The following HERC4 variants were observed in gnomAD, a reference collection of about 807,000 sequenced individuals.
HERC4 encodes the protein HECT and RLD domain containing E3 ubiquitin protein ligase 4, also known as probable E3 ubiquitin-protein ligase HERC4.
In HERC4, 28 loss-of-function variants were observed where a neutral mutation model predicts 124.3. The observed-to-expected ratio is 0.23, with a 90% confidence interval of 0.17 to 0.31. HERC4 has a LOEUF of 0.31. Among genes scored for constraint, HERC4 ranks in the 10% least tolerant of loss-of-function variants. HERC4 has a pLI of 1.00. For missense variants in HERC4, 713 were observed against 1,229.3 expected (o/e 0.58, Z 6.28); for synonymous variants, 407 against 421.5 (o/e 0.97, Z 0.42).
rs543517683 is a variant in HERC4 at position 67,926,543 on chromosome 10, G to A, written c.2839-1356C>T. Among the ~76,000 whole-genome samples, 19 of 152,158 alleles carry A rather than the reference G, an allele frequency of 1.2e-4. 1 individual carries two copies. Among genetic ancestry groups the A allele is most frequent in the African/African-American group, 4.3e-4 (18 of 41,500 alleles). On this transcript the variant is annotated intron_variant, in intron 23 of 24. Transcript: ENST00000373700. The stretch of plus-strand genomic sequence containing the variant: ...GGCTTTAACTTTCAGTTCTTCAGAT[G>A]CGTCAGGTCCTTTGGACATACTGTT...
At position 67,966,566 on chromosome 10, in the gene HERC4, TAAGTTCTGGATAA is replaced by T. The variant is rs145121683; in HGVS notation, c.1926+104_1926+116del. On this transcript the variant is annotated intron_variant, in intron 16 of 24. Transcript: ENST00000373700. ...TTGCAATGTGTTATTATTTAAAAAG[TAAGTTCTGGATAA>T]AAGTTCTGAAAAAACTTTCTCATTT... is the stretch of plus-strand genomic sequence containing the variant. 1.1e-4 allele frequency: 97 copies of T among 898,918 alleles called. No individual in the cohort carries two copies. In the African/African-American group the frequency reaches 1.6e-3, roughly 15 times the overall value. 55.7% of individuals were successfully genotyped at this position (898,918 alleles called of 1,614,324 possible). A position where few individuals can be genotyped will look rare whatever the true frequency, so the allele number is the denominator to read the frequency against.
chr10:68,061,532 CAAAAAAAAAAAAAA>C (rs59169970), intron 3 of HERC4, among the ~76,000 whole-genome samples: 10 of 13,990 alleles, frequency 7.1e-4, no homozygotes, highest in African/African-American at 1.6e-3. Context: ...GACTCCGTCT[CAAAAAAAAAAAAAA>C]AAAAAAAAAA....
chr10:67,927,550 C>T (rs950527281), intron 23 of HERC4, among the ~76,000 whole-genome samples: 12 of 150,552 alleles, frequency 8.0e-5, no homozygotes, highest in Admixed American at 2.0e-4. Context: ...CTCAGCCTCC[C>T]GAGTAGCTGG....
At chr10:68,063,946 T>C (rs1166287133) in intron 3 of HERC4, among the ~76,000 whole-genome samples, 1 of 148,048 alleles carries the variant, frequency 6.8e-6, no homozygotes, top group East Asian at 2.1e-4. Context: ...TCTCAAATAA[T>C]AATTAAGAAA....
At chr10:67,968,497 T>C (rs952132621) in intron 15 of HERC4, among the ~76,000 whole-genome samples, 1 of 151,772 alleles carries the variant, frequency 6.6e-6, no homozygotes, top group Non-Finnish European at 1.5e-5. Context: ...CACAGCCTCC[T>C]GAGTAGCTGG....
At chr10:68,028,930 G>T (rs563690356) in intron 7 of HERC4, among the ~76,000 whole-genome samples, 207 of 152,224 alleles carry the variant, frequency 1.4e-3, no homozygotes, top group African/African-American at 4.8e-3. Context: ...CAGCATTTTG[G>T]GGGGCTGAGG....
chr10:68,038,319 T>A, intron 4 of HERC4, 150 bp from the exon 5 acceptor site: 1 of 444,236 alleles, frequency 2.3e-6, no homozygotes. Flanking sequence ...GTACCAAAAA[T>A]TTATGCTAAA....
intron 5 of HERC4, among the ~76,000 whole-genome samples, chr10:68,035,684 A>G (rs537829741): frequency 1.2e-4 from 19 of 152,156 alleles, no homozygotes; most frequent in Non-Finnish European, 2.2e-4. Context: ...ATCTCTTCTC[A>G]TATCAGTCAC....
At chr10:67,979,516 G>C (rs887251074) in intron 15 of HERC4, among the ~76,000 whole-genome samples, 2 of 151,654 alleles carry the variant, frequency 1.3e-5, no homozygotes, top group Non-Finnish European at 2.9e-5. Context: ...AGATAGATGG[G>C]GCAGAAAATT....
At chr10:68,035,105 T>C (rs2039391573) in intron 5 of HERC4, among the ~76,000 whole-genome samples, 1 of 151,942 alleles carries the variant, frequency 6.6e-6, no homozygotes, top group African/African-American at 2.4e-5. Flanking sequence ...AAAAGTAAGC[T>C]TCCTTCCAAA....
intron 3 of HERC4, among the ~76,000 whole-genome samples, chr10:68,063,214 ATTAT>A (rs2041124235): frequency 6.6e-6 from 1 of 151,602 alleles, no homozygotes; most frequent in Admixed American, 6.6e-5. Context: ...TATTTACTTT[ATTAT>A]TTATTTTTTT....
At chr10:67,931,035 G>C (rs2031740775) in intron 23 of HERC4, among the ~76,000 whole-genome samples, 1 of 152,056 alleles carries the variant, frequency 6.6e-6, no homozygotes, top group Non-Finnish European at 1.5e-5. Flanking sequence ...GCCTGGGCTG[G>C]AGTGCAGTGG....
At chr10:68,014,211 C>A (rs372353008) in intron 8 of HERC4, 25 bp from the exon 9 acceptor site, 5 of 1,532,484 alleles carry the variant, frequency 3.3e-6, no homozygotes, top group Non-Finnish European at 4.4e-6. Context: ...TAGAAAACTT[C>A]AGACTTAATG....
In HERC4 at chr10:68,024,517, G is replaced by A. The variant is rs545215005; in HGVS notation, c.908+1029C>T. Among the ~76,000 whole-genome samples the A allele has an allele frequency of 1.4e-3, 214 of 152,246 alleles. 1 individual carries two copies. Among genetic ancestry groups the A allele is most frequent in the African/African-American group, 4.9e-3 (202 of 41,544 alleles). On this transcript the variant is annotated intron_variant, in intron 8 of 24. Transcript: ENST00000373700. Reference sequence around the variant, plus strand: ...TGCAAATGTCCATCAGCAATAGAATGAGTATATTATATATGTATAAAATTG... The same window carrying A: ...TGCAAATGTCCATCAGCAATAGAATAAGTATATTATATATGTATAAAATTG...
chr10:68,061,172 A>G (rs548419296), intron 3 of HERC4, among the ~76,000 whole-genome samples: 9 of 152,260 alleles, frequency 5.9e-5, no homozygotes, highest in African/African-American at 2.2e-4. Flanking sequence ...TACTAGTGGA[A>G]CCAAAAGCAA....
At chr10:67,993,391 T>C (rs897590913) in intron 9 of HERC4, 1 of 151,064 alleles carries the variant, frequency 6.6e-6, no homozygotes, top group Non-Finnish European at 1.5e-5. Context: ...CAGTGGCACA[T>C]GTCTGTAGTC....
rs114488715 is a variant in HERC4 at position 68,049,658 on chromosome 10, C to T, written c.227-5095G>A. 1.9e-3 allele frequency among the ~76,000 whole-genome samples: 287 copies of T among 150,052 alleles called. 2 individuals carry two copies. The highest frequency in any genetic ancestry group is 6.8e-3 in the African/African-American group (274 of 40,582). ...CGAACAGGCACAGTGGCTCATGCCA[C>T]CTAGCACTTTGGGAGGCTGAGGCGG... is the stretch of plus-strand genomic sequence containing the variant. On this transcript the variant is annotated intron_variant, in intron 3 of 24. Coordinates refer to ENST00000373700, the MANE Select transcript of HERC4 (RefSeq NM_015601.4).
chr10:67,950,389 C>A (rs2033705270), intron 19 of HERC4, among the ~76,000 whole-genome samples: 1 of 151,976 alleles, frequency 6.6e-6, no homozygotes. Flanking sequence ...GATTCTCCTG[C>A]CTCAGCCTCC....
intron 9 of HERC4, chr10:68,010,747 C>A: frequency 6.7e-7 from 1 of 1,491,410 alleles, no homozygotes; most frequent in Non-Finnish European, 9.2e-7. Context: ...TTTGGCTGAA[C>A]ATATTCCCAA....
Sources: gnomAD v4.1 joint callset for allele counts (sites outside exome capture counted in the v4.1 genomes callset) on GRCh38, gnomAD v4.1.1 for gene constraint, MANE v1.5 for transcripts, NCBI Gene and HGNC (gene_info 2026-07-23, HGNC 2026-07-21) for gene names.